FOXB1: variants seen among roughly 807,000 people sequenced by gnomAD.
FOXB1 encodes the protein forkhead box B1, also known as forkhead box protein B1.
A neutral mutation model predicts 18.6 loss-of-function variants in FOXB1; 6 were observed. That is an observed-to-expected ratio of 0.32 (90% CI 0.18 to 0.64). The LOEUF is 0.64. Ranked by LOEUF, FOXB1 falls within the 30% of genes least tolerant of loss-of-function variation. The probability of loss-of-function intolerance (pLI) is 0.78; values close to 1 mark genes in which losing one functional copy is unlikely to be tolerated. For missense variants in FOXB1, 419 were observed against 463.6 expected, an observed-to-expected ratio of 0.90 and a Z score of 0.88; for synonymous variants, 213 against 216.0, an observed-to-expected ratio of 0.99 and a Z score of 0.12.
At position 60,005,841 on chromosome 15, in the gene FOXB1, C is replaced by T; in HGVS notation, c.878C>T (p.Pro293Leu). 6.2e-7 allele frequency: 1 copy of T among 1,603,528 alleles called. No individual in the cohort carries two copies. The highest frequency in any genetic ancestry group is 8.5e-7 in the Non-Finnish European group (1 of 1,176,104). The change falls in exon 2 of 2, where the codon CCC (proline) becomes CTC (leucine). Residue 293 changes from proline (P) to leucine (L), a missense_variant. Transcript: ENST00000396057. This position sits in a 1 kb window ranked among gnomAD's most constrained non-coding sequence, Gnocchi z 9.8. ...TCGAACTCGCCGCCCTCGCTCAGCC[C>T]CACGTCCTCGCAAACAGCCACCAGC... The part of the protein sequence containing the change: ...LLSNSPPSLS[P>L]TSSQTATSQS...
Position 60,005,967 on chromosome 15 carries a change from G to T in FOXB1, c.*26G>T. On this transcript the variant is annotated 3_prime_UTR_variant, in exon 2 of 2. Transcript: ENST00000396057. This position sits in a 1 kb window ranked among gnomAD's most constrained non-coding sequence, Gnocchi z 9.8. ...CCCGCAGGAGCCCACGCCCCCTCTC[G>T]TTCTCCTCCCCACCACCTCACTCGC... is the stretch of plus-strand genomic sequence containing the variant. 1.9e-6 allele frequency: 3 copies of T among 1,549,826 alleles called. No homozygotes were observed. Among genetic ancestry groups the T allele is most frequent in the Non-Finnish European group, 2.6e-6 (3 of 1,152,816 alleles).
Position 60,005,007 on chromosome 15 carries a change from C to G in FOXB1, c.44C>G (p.Pro15Arg). The change falls in exon 2 of 2, where the codon CCC becomes CGC. Residue 15 changes from proline (P) to arginine (R), a missense_variant. Coordinates refer to ENST00000396057, the MANE Select transcript of FOXB1 (RefSeq NM_012182.3). This position sits in a 1 kb window ranked among gnomAD's most constrained non-coding sequence, Gnocchi z 9.8. ...AACACGTACAGCGACCAGAAGCCGC[C>G]CTACTCGTACATCTCGCTGACCGCT... ...GRNTYSDQKP[P>R]YSYISLTAMA... The G allele has an allele frequency of 1.2e-6, 2 of 1,614,024 alleles. No individual in the cohort carries two copies. Among genetic ancestry groups the G allele is most frequent in the Non-Finnish European group, 1.7e-6 (2 of 1,179,948 alleles).
chr15:60,004,931 C>A lies in FOXB1; in HGVS notation c.-33C>A. The A allele has an allele frequency of 6.3e-7, 1 of 1,586,774 alleles. No individual in the cohort carries two copies. Among genetic ancestry groups the A allele is most frequent in the Non-Finnish European group, 8.6e-7 (1 of 1,166,192 alleles). On this transcript the variant is annotated 5_prime_UTR_variant, in exon 2 of 2. Coordinates refer to ENST00000396057, the MANE Select transcript of FOXB1 (RefSeq NM_012182.3). ...GATCCGAGCAGTCCGCCGGCCCGCGCGGACCCAGAGCAAGAAGAGGGCGAG... is the reference window on the plus strand; with the variant it reads ...GATCCGAGCAGTCCGCCGGCCCGCGAGGACCCAGAGCAAGAAGAGGGCGAG...
chr15:60,005,676 A>AT lies in FOXB1; in HGVS notation c.713_714insT (p.Ser239GlnfsTer26). ...CCCATCTCCATGGCGAGTGGCGACT[A>AT]CAGCGCCTACGGCGTGCCGTTGAAG... is the stretch of plus-strand genomic sequence containing the variant. On this transcript the variant is annotated frameshift_variant, in exon 2 of 2. Coordinates refer to ENST00000396057, the MANE Select transcript of FOXB1 (RefSeq NM_012182.3). LOFTEE classifies it high-confidence loss of function. The surrounding 1 kb of genome is among the most constrained non-coding windows in gnomAD (Gnocchi z 9.8). 1 of 1,607,056 alleles carries AT rather than the reference A, an allele frequency of 6.2e-7. No homozygotes were observed. The highest frequency in any genetic ancestry group is 8.5e-7 in the Non-Finnish European group (1 of 1,179,032).
rs1223365800 is a variant in FOXB1, at chr15:60,004,618, G to T, written c.-83G>T. Reference sequence around the variant, plus strand: ...GCGCAGCGGCGTCCTCCCGGATGCGGACGCGCAACTTGAAGCAACTTTAAG... The same window carrying T: ...GCGCAGCGGCGTCCTCCCGGATGCGTACGCGCAACTTGAAGCAACTTTAAG... On this transcript the variant is annotated 5_prime_UTR_variant, in exon 1 of 2. Transcript: ENST00000396057. The T allele has an allele frequency of 4.9e-6, 1 of 205,884 alleles. No homozygotes were observed. Among genetic ancestry groups the T allele is most frequent in the African/African-American group, 2.3e-5 (1 of 43,176 alleles). 12.8% of individuals were successfully genotyped at this position (205,884 alleles called of 1,614,324 possible).
rs761578782 is a variant in FOXB1, at chr15:60,005,713, C to G, written c.750C>G (p.His250Gln). Residue 250 changes from histidine (H) to glutamine (Q), a missense_variant, in exon 2 of 2, where the codon CAC becomes CAG. Coordinates refer to ENST00000396057, the MANE Select transcript of FOXB1 (RefSeq NM_012182.3). The surrounding 1 kb of genome is among the most constrained non-coding windows in gnomAD (Gnocchi z 9.8). ...GCGTGCCGTTGAAGCCGCTGTGCCA[C>G]GCGGCGGGCCAAACGCTGCCCGCCA... The part of the protein sequence containing the change: ...AYGVPLKPLC[H>Q]AAGQTLPAIP... 1.5e-5 allele frequency: 24 copies of G among 1,603,762 alleles called. No homozygotes were observed. The highest frequency in any genetic ancestry group is 2.0e-5 in the Non-Finnish European group (23 of 1,178,494).
rs2142157368 is a variant in FOXB1 at position 60,007,192 on chromosome 15, C to T, written c.*1251C>T. On this transcript the variant is annotated 3_prime_UTR_variant, in exon 2 of 2. Transcript: ENST00000396057. Reference sequence around the variant, plus strand: ...TTCCTTTAGAATCTTAGATAATTGGCTGGAAAACGAACTGTTGTTCTGGTG... The same window carrying T: ...TTCCTTTAGAATCTTAGATAATTGGTTGGAAAACGAACTGTTGTTCTGGTG... 6.6e-6 allele frequency: 1 copy of T among 151,626 alleles called. No individual in the cohort carries two copies. The highest frequency in any genetic ancestry group is 2.1e-4 in the South Asian group (1 of 4,806). The allele number at this position is 151,626 out of a possible 1,614,324, so 9.4% of individuals were successfully genotyped here.
Position 60,005,667 on chromosome 15 carries a change from G to A in FOXB1, c.704G>A (p.Ser235Asn), listed in dbSNP as rs544887945. 8.7e-6 allele frequency: 14 copies of A among 1,608,168 alleles called. 1 individual carries two copies. The highest frequency in any genetic ancestry group is 3.3e-5 in the Admixed American group (2 of 59,814). Residue 235 changes from serine to asparagine, a missense_variant, in exon 2 of 2, where the codon AGT (serine) becomes AAT (asparagine). Coordinates refer to ENST00000396057, the MANE Select transcript of FOXB1 (RefSeq NM_012182.3). The surrounding 1 kb of genome is among the most constrained non-coding windows in gnomAD (Gnocchi z 9.8). Reference protein sequence around the residue: ...IDSATPISMASGDYSAYGVPL... With the variant: ...IDSATPISMANGDYSAYGVPL... The stretch of plus-strand genomic sequence containing the variant: ...TCGGCCACCCCCATCTCCATGGCGA[G>A]TGGCGACTACAGCGCCTACGGCGTG...
Position 60,006,130 on chromosome 15 carries a change from G to A in FOXB1, c.*189G>A, listed in dbSNP as rs1408714556. The A allele has an allele frequency of 2.8e-6, 2 of 708,500 alleles. No homozygotes were observed. Among genetic ancestry groups the A allele is most frequent in the African/African-American group, 1.9e-5 (1 of 53,080 alleles). The allele number at this position is 708,500 out of a possible 1,614,324, so 43.9% of individuals were successfully genotyped here. A position where few individuals can be genotyped will look rare whatever the true frequency, so the allele number is the denominator to read the frequency against. On this transcript the variant is annotated 3_prime_UTR_variant, in exon 2 of 2. Transcript: ENST00000396057. ...AGACCAAACACAAACTTGCAGATGG[G>A]CCGAGAGGCGCGTGGGAGTTGTCCT...
Position 60,005,414 on chromosome 15 carries a change from C to CCCG in FOXB1, c.460_462dup (p.Ala154dup), listed in dbSNP as rs750903680. On this transcript the variant is annotated inframe_insertion, in exon 2 of 2. Coordinates refer to ENST00000396057, the MANE Select transcript of FOXB1 (RefSeq NM_012182.3). This position sits in a 1 kb window ranked among gnomAD's most constrained non-coding sequence, Gnocchi z 9.8. Reference sequence around the variant, plus strand: ...CTCGGGCACGCACCTGCCACAGATGCCCGCCGCCGCCTACAACTTGGGCGG... The same window carrying CCCG: ...CTCGGGCACGCACCTGCCACAGATGCCCGCCGCCGCCGCCTACAACTTGGGCGG... 8.1e-6 allele frequency: 13 copies of CCCG among 1,607,318 alleles called. No individual in the cohort carries two copies. The highest frequency in any genetic ancestry group is 9.3e-6 in the Non-Finnish European group (11 of 1,177,786).
At position 60,006,544 on chromosome 15, in the gene FOXB1, T is replaced by C. The variant is rs1892101683; in HGVS notation, c.*603T>C. On this transcript the variant is annotated 3_prime_UTR_variant, in exon 2 of 2. Coordinates refer to ENST00000396057, the MANE Select transcript of FOXB1 (RefSeq NM_012182.3). ...TTCCCGGGGTTGCGGCCCTGCCTCC[T>C]AGGCTTCTGCGGAGATTTTGTTGTT... is the stretch of plus-strand genomic sequence containing the variant. 1 of 152,322 alleles carries C rather than the reference T, an allele frequency of 6.6e-6. No homozygotes were observed. Among genetic ancestry groups the C allele is most frequent in the Admixed American group, 6.5e-5 (1 of 15,290 alleles). The allele number at this position is 152,322 out of a possible 1,614,324, so 9.4% of individuals were successfully genotyped here.
rs748140712 is a variant in FOXB1, at chr15:60,005,286, G to T, written c.323G>T (p.Arg108Leu). The T allele has an allele frequency of 1.9e-6, 3 of 1,613,314 alleles. No individual in the cohort carries two copies. ...GGCAGCTTCCTGCGGCGCCGCAAGC[G>T]CTTCAAGGTGCTTAAGTCCGACCAC... The part of the protein sequence containing the change: ...ENGSFLRRRK[R>L]FKVLKSDHLA... The change falls in exon 2 of 2, where the codon CGC (arginine) becomes CTC (leucine). Residue 108 changes from arginine to leucine, a missense_variant. Around this residue, in one of 3 missense-constraint regions of FOXB1, gnomAD observed 153 missense variants for 173.8 expected, o/e 0.88. Coordinates refer to ENST00000396057, the MANE Select transcript of FOXB1 (RefSeq NM_012182.3). The surrounding 1 kb of genome is among the most constrained non-coding windows in gnomAD (Gnocchi z 9.8).
chr15:60,005,627 G>A lies in FOXB1; in HGVS notation c.664G>A (p.Ala222Thr), dbSNP rs533024396. 1 of 1,608,322 alleles carries A rather than the reference G, an allele frequency of 6.2e-7. No individual in the cohort carries two copies. Among genetic ancestry groups the A allele is most frequent in the East Asian group, 2.2e-5 (1 of 44,728 alleles). The change falls in exon 2 of 2, where the codon GCC becomes ACC. Residue 222 changes from alanine (A) to threonine (T), a missense_variant. This residue lies in a region of FOXB1 where 195 missense variants were observed against 179.8 expected (regional missense o/e 1.08). Transcript: ENST00000396057. This position sits in a 1 kb window ranked among gnomAD's most constrained non-coding sequence, Gnocchi z 9.8. ...CGGCTGGCCACACGTGTATGGCTCC[G>A]CCGGCATGATCGACTCGGCCACCCC... ...GTGWPHVYGS[A>T]GMIDSATPIS...
rs770854457 is a variant in FOXB1, at chr15:60,005,915, G to A, written c.952G>A (p.Ala318Thr). The A allele has an allele frequency of 6.3e-7, 1 of 1,591,222 alleles. No homozygotes were observed. The highest frequency in any genetic ancestry group is 1.1e-5 in the South Asian group (1 of 88,530). ...CGAAACGCTCACCAGCCCGGCCTCC[G>A]CCTTGCACTCGGTGGCGGTGCACTG... Reference protein sequence around the residue: ...PSETLTSPASALHSVAVH With the variant: ...PSETLTSPASTLHSVAVH Residue 318 changes from alanine to threonine, a missense_variant, in exon 2 of 2, where the codon GCC becomes ACC. This residue lies in a region of FOXB1 where 195 missense variants were observed against 179.8 expected (regional missense o/e 1.08). Coordinates refer to ENST00000396057, the MANE Select transcript of FOXB1 (RefSeq NM_012182.3). This position sits in a 1 kb window ranked among gnomAD's most constrained non-coding sequence, Gnocchi z 9.8.
chr15:60,005,200 C>A lies in FOXB1; in HGVS notation c.237C>A (p.Asp79Glu). ...TCATCAAGATCCCGCGGCGGCCGGA[C>A]CAGCCAGGCAAGGGCAGCTTCTGGG... ...DCFIKIPRRP[D>E]QPGKGSFWAL... The change falls in exon 2 of 2, where the codon GAC becomes GAA. Residue 79 changes from aspartate to glutamate, a missense_variant. Coordinates refer to ENST00000396057, the MANE Select transcript of FOXB1 (RefSeq NM_012182.3). This position sits in a 1 kb window ranked among gnomAD's most constrained non-coding sequence, Gnocchi z 9.8. 2 of 1,614,200 alleles carry A rather than the reference C, an allele frequency of 1.2e-6. No individual in the cohort carries two copies. Among genetic ancestry groups the A allele is most frequent in the Non-Finnish European group, 1.7e-6 (2 of 1,180,048 alleles).
At position 60,007,248 on chromosome 15, in the gene FOXB1, TGTA is replaced by T. The variant is rs1444305638; in HGVS notation, c.*1310_*1312del. Reference sequence around the variant, plus strand: ...TGCTTAAGTTAAAAAAAAAAAAAGTTGTAGTGTCATCAGAGCTGTAAAATTTTT... The same window carrying T: ...TGCTTAAGTTAAAAAAAAAAAAAGTTGTGTCATCAGAGCTGTAAAATTTTT... On this transcript the variant is annotated 3_prime_UTR_variant, in exon 2 of 2. Coordinates refer to ENST00000396057, the MANE Select transcript of FOXB1 (RefSeq NM_012182.3). 5.9e-5 allele frequency: 9 copies of T among 151,806 alleles called. No homozygotes were observed. Among genetic ancestry groups the T allele is most frequent in the Non-Finnish European group, 1.2e-4 (8 of 67,954 alleles). 9.4% of individuals were successfully genotyped at this position (151,806 alleles called of 1,614,324 possible). A position where few individuals can be genotyped will look rare whatever the true frequency, so the allele number is the denominator to read the frequency against.
At position 60,006,208 on chromosome 15, in the gene FOXB1, T is replaced by A; in HGVS notation, c.*267T>A. Reference sequence around the variant, plus strand: ...CACCTGAGCCGAACCATCCCCTCCCTGAGGCCCCGAAACCCCCTCCTATTT... The same window carrying A: ...CACCTGAGCCGAACCATCCCCTCCCAGAGGCCCCGAAACCCCCTCCTATTT... On this transcript the variant is annotated 3_prime_UTR_variant, in exon 2 of 2. Transcript: ENST00000396057. The A allele has an allele frequency of 2.2e-6, 1 of 460,688 alleles. No individual in the cohort carries two copies. The highest frequency in any genetic ancestry group is 3.8e-6 in the Non-Finnish European group (1 of 264,630). The allele number at this position is 460,688 out of a possible 1,614,324, so 28.5% of individuals were successfully genotyped here. A position where few individuals can be genotyped will look rare whatever the true frequency, so the allele number is the denominator to read the frequency against.
In FOXB1 at chr15:60,005,803, C is replaced by T. The variant is rs769615935; in HGVS notation, c.840C>T (p.Ile280=). ...VPALPALPAP[I]PTLLSNSPPS... ...CGCTGCCTGCGCTGCCAGCGCCCATCCCCACCTTGCTCTCGAACTCGCCGC... is the reference window on the plus strand; with the variant it reads ...CGCTGCCTGCGCTGCCAGCGCCCATTCCCACCTTGCTCTCGAACTCGCCGC... The change falls in exon 2 of 2, where the codon ATC becomes ATT. Residue 280 remains isoleucine (I), a synonymous_variant. Coordinates refer to ENST00000396057, the MANE Select transcript of FOXB1 (RefSeq NM_012182.3). This position sits in a 1 kb window ranked among gnomAD's most constrained non-coding sequence, Gnocchi z 9.8. 4 of 1,606,168 alleles carry T rather than the reference C, an allele frequency of 2.5e-6. 1 individual carries two copies. In the South Asian group the frequency reaches 3.3e-5, roughly 13 times the overall value.
At position 60,005,402 on chromosome 15, in the gene FOXB1, C is replaced by A. The variant is rs1892080791; in HGVS notation, c.439C>A (p.Leu147Met). ...CGCGCTGGCGGCCTCGGGCACGCAC[C>A]TGCCACAGATGCCCGCCGCCGCCTA... ...LSALAASGTH[L>M]PQMPAAAYNL... The change falls in exon 2 of 2, where the codon CTG becomes ATG. Residue 147 changes from leucine (L) to methionine (M), a missense_variant. Leu to Met is a conservative substitution (Grantham distance 15, BLOSUM62 2). This residue lies in a region of FOXB1 where 71 missense variants were observed against 110.0 expected (regional missense o/e 0.65). Coordinates refer to ENST00000396057, the MANE Select transcript of FOXB1 (RefSeq NM_012182.3). The surrounding 1 kb of genome is among the most constrained non-coding windows in gnomAD (Gnocchi z 9.8). The A allele has an allele frequency of 1.2e-6, 2 of 1,605,974 alleles. No homozygotes were observed. The highest frequency in any genetic ancestry group is 1.7e-6 in the Non-Finnish European group (2 of 1,177,286).
Sources: allele counts gnomAD v4.1 joint callset, GRCh38; gene constraint gnomAD v4.1.1; regional missense constraint gnomAD v4.1.1; non-coding constraint Gnocchi (gnomAD v3.1); transcripts MANE v1.5; gene names NCBI Gene and HGNC (gene_info 2026-07-23, HGNC 2026-07-21).